The following DDX60 variants were observed in gnomAD, a reference collection of about 807,000 sequenced individuals.
The protein encoded by DDX60 is probable ATP-dependent RNA helicase DDX60.
DDX60 carries 165 observed loss-of-function variants against 212.8 expected under a neutral mutation model. The observed-to-expected ratio is 0.78, with a 90% confidence interval of 0.68 to 0.88. The LOEUF (loss-of-function observed/expected upper bound fraction) is 0.88. Ranked by LOEUF, DDX60 falls within the 40% of genes least tolerant of loss-of-function variation. The pLI, the probability that DDX60 is intolerant of heterozygous loss-of-function variation, is 0.00. For synonymous variants in DDX60, 703 were observed against 685.3 expected (o/e 1.03, Z -0.40); for missense variants, 1,905 against 2,003.9 (o/e 0.95, Z 0.94).
chr4:168,308,716 A>G (rs1295443235), intron 3 of DDX60, among the ~76,000 whole-genome samples: 2 of 148,458 alleles, frequency 1.3e-5, no homozygotes. Flanking sequence ...ATGTATATAT[A>G]TTATACATAG....
rs760531603 is a variant in DDX60, at chr4:168,252,531, T to C, written c.3683A>G (p.Asp1228Gly). 6.2e-7 allele frequency: 1 copy of C among 1,613,624 alleles called. No individual in the cohort carries two copies. The highest frequency in any genetic ancestry group is 1.3e-5 in the African/African-American group (1 of 74,912). ...GACCTCAGTGTCCACTGCTTTTTGA[T>C]CAGCATATGTGCAGTCCTGTGGGAT... ...LEIPQDCTYA[D>G]QKAVDTETLQ... Residue 1228 changes from aspartate (D) to glycine (G), a missense_variant, in exon 27 of 38, where the codon GAT becomes GGT. Physicochemically the swap from Asp to Gly is moderately conservative, Grantham distance 94 (BLOSUM62 -1). Transcript: ENST00000393743.
intron 22 of DDX60, among the ~76,000 whole-genome samples, chr4:168,265,838 A>AGGG (rs1423007584): frequency 9.0e-4 from 1 of 1,106 alleles, no homozygotes; most frequent in African/African-American, 3.5e-3. Flanking sequence ...GGAGGGAAGG[A>AGGG]AGGGAAGGGA....
intron 22 of DDX60, 49 bp from the exon 23 acceptor site, chr4:168,262,836 G>A (rs183547782): frequency 8.3e-5 from 108 of 1,298,116 alleles, no homozygotes; most frequent in Admixed American, 8.2e-4. Flanking sequence ...ATTTTATGTC[G>A]TATCCTTTGC....
chr4:168,243,737 CAGCAATTCCATTGCTGGGTAT>C (rs968860810), intron 30 of DDX60, among the ~76,000 whole-genome samples: 4 of 152,126 alleles, frequency 2.6e-5, no homozygotes, highest in Non-Finnish European at 5.9e-5. Flanking sequence ...CCACTTGACC[CAGCAATTCCATTGCTGGGTAT>C]ATGCCTAAAG....
chr4:168,275,092 GACACTGAGATA>G (rs1163448009), intron 16 of DDX60, among the ~76,000 whole-genome samples: 1 of 152,128 alleles, frequency 6.6e-6, no homozygotes, highest in Non-Finnish European at 1.5e-5. Flanking sequence ...ACAGCTGGAT[GACACTGAGATA>G]ACATCAGAGC....
intron 33 of DDX60, among the ~76,000 whole-genome samples, chr4:168,227,661 C>CT (rs1367183024): frequency 6.6e-6 from 1 of 150,932 alleles, no homozygotes; most frequent in Non-Finnish European, 1.5e-5. Flanking sequence ...AATTCATTGA[C>CT]TTTTCAGCCT....
intron 13 of DDX60, among the ~76,000 whole-genome samples, 199 bp downstream of exon 13, chr4:168,283,247 A>G (rs1318129471): frequency 1.3e-5 from 2 of 152,176 alleles, no homozygotes; most frequent in East Asian, 3.8e-4. Flanking sequence ...TTATGTATAG[A>G]ATATCATTAC....
At chr4:168,316,694 C>T (rs1737396515) in intron 1 of DDX60, among the ~76,000 whole-genome samples, 1 of 151,944 alleles carries the variant, frequency 6.6e-6, no homozygotes, top group South Asian at 2.1e-4. Flanking sequence ...TTTACAACTC[C>T]TAATGAATTA....
intron 24 of DDX60, 71 bp downstream of exon 24, chr4:168,261,929 G>C (rs546704957): frequency 2.7e-6 from 4 of 1,485,282 alleles, no homozygotes; most frequent in Non-Finnish European, 3.6e-6. Context: ...TCAGAAAATG[G>C]TATTAACTGA....
At position 168,287,114 on chromosome 4, in the gene DDX60, C is replaced by G; in HGVS notation, c.1273G>C (p.Gly425Arg). The part of the protein sequence containing the change: ...VSKLVRDFEV[G>R]QPFPLRTTKV... ...GTTGTTCTCAGAGGAAATGGCTGTCCAACCTCAAAGTCTCTGACCAACTTT... is the reference window on the plus strand; with the variant it reads ...GTTGTTCTCAGAGGAAATGGCTGTCGAACCTCAAAGTCTCTGACCAACTTT... The change falls in exon 10 of 38, where the codon GGA becomes CGA. Residue 425 changes from glycine to arginine, a missense_variant. Coordinates refer to ENST00000393743, the MANE Select transcript of DDX60 (RefSeq NM_017631.6). The G allele has an allele frequency of 3.7e-6, 6 of 1,612,542 alleles. No individual in the cohort carries two copies. The highest frequency in any genetic ancestry group is 5.1e-6 in the Non-Finnish European group (6 of 1,179,426).
chr4:168,226,023 C>A (rs1256355688), intron 33 of DDX60, among the ~76,000 whole-genome samples: 1 of 152,056 alleles, frequency 6.6e-6, no homozygotes, highest in Non-Finnish European at 1.5e-5. Flanking sequence ...AGCAATGAGA[C>A]AAAGTACATT....
At chr4:168,254,389 A>AG (rs562561335) in intron 26 of DDX60, among the ~76,000 whole-genome samples, 132 of 152,316 alleles carry the variant, frequency 8.7e-4, no homozygotes, top group Admixed American at 1.5e-3. Flanking sequence ...CTAAGGAAAC[A>AG]GAAAAATAGG....
chr4:168,307,478 A>G (rs1736935107), intron 4 of DDX60, among the ~76,000 whole-genome samples: 1 of 152,150 alleles, frequency 6.6e-6, no homozygotes, highest in Admixed American at 6.5e-5. Flanking sequence ...GGGTCTCACT[A>G]TGTCACCCAG....
chr4:168,219,390 ATGAT>A lies in DDX60; in HGVS notation c.5039+1261_5039+1264del, dbSNP rs1254234968. 3.9e-5 allele frequency among the ~76,000 whole-genome samples: 6 copies of A among 152,198 alleles called. No individual in the cohort carries two copies. The South Asian group carries it at 8.3e-4, about 21-fold the overall frequency. On this transcript the variant is annotated intron_variant, in intron 37 of 37. Coordinates refer to ENST00000393743, the MANE Select transcript of DDX60 (RefSeq NM_017631.6). ...CAATACTTCTTGGATGAATGTGTGA[ATGAT>A]TGATTGATTGATTTCCTTGCCCAAG...
At chr4:168,282,207 T>C (rs1735623667) in intron 13 of DDX60, among the ~76,000 whole-genome samples, 1 of 152,216 alleles carries the variant, frequency 6.6e-6, no homozygotes, top group African/African-American at 2.4e-5. Context: ...CCCAACTGCT[T>C]AAACTTTTGA....
At chr4:168,255,972 T>C in intron 25 of DDX60, 103 bp from the exon 26 acceptor site, 3 of 1,188,760 alleles carry the variant, frequency 2.5e-6, no homozygotes, top group Non-Finnish European at 3.4e-6. Flanking sequence ...CTGTTGGGTT[T>C]TTAATACCCA....
At chr4:168,239,383 T>C (rs955060145) in intron 30 of DDX60, among the ~76,000 whole-genome samples, 21 of 132,878 alleles carry the variant, frequency 1.6e-4, no homozygotes, top group East Asian at 6.2e-4. Flanking sequence ...GGAAGATAGA[T>C]AGATAGATAG....
At chr4:168,318,040 T>C (rs1411773495) in intron 1 of DDX60, among the ~76,000 whole-genome samples, 2 of 152,138 alleles carry the variant, frequency 1.3e-5, no homozygotes, top group Admixed American at 6.5e-5. Context: ...TCCACAGCAA[T>C]TGTAAAATAA....
At chr4:168,293,652 A>G in intron 7 of DDX60, 135 bp downstream of exon 7, 1 of 772,916 alleles carries the variant, frequency 1.3e-6, no homozygotes, top group African/African-American at 1.7e-5. Flanking sequence ...CACAAATTTC[A>G]GTTTTATTTT....
Sources: allele counts gnomAD v4.1 joint callset (sites outside exome capture counted in the v4.1 genomes callset), GRCh38; gene constraint gnomAD v4.1.1; transcripts MANE v1.5; gene names NCBI Gene and HGNC (gene_info 2026-07-23, HGNC 2026-07-21).